Variants in MROH2B observed in about 807,000 individuals in gnomAD.
MROH2B encodes the protein maestro heat like repeat family member 2B.
MROH2B carries 177 observed loss-of-function variants against 208.6 expected under a neutral mutation model. The ratio of observed to expected loss-of-function variants is 0.85; its 90% CI spans 0.75 to 0.96. The LOEUF is 0.96. Among genes scored for constraint, MROH2B ranks in the 40% least tolerant of loss-of-function variants. The pLI is 0.00. For synonymous variants in MROH2B, 728 were observed against 659.0 expected (o/e 1.10, Z -1.60); for missense variants, 2,002 against 1,878.7 (o/e 1.07, Z -1.21).
chr5:41,007,536 C>T, intron 33 of MROH2B, 82 bp from the exon 34 acceptor site: 2 of 1,270,168 alleles, frequency 1.6e-6, no homozygotes, highest in South Asian at 2.1e-5. Flanking sequence ...TTCCACTCCT[C>T]ACAATGCTTT....
intron 23 of MROH2B, 38 bp downstream of exon 23, chr5:41,033,003 T>C (rs1445471153): frequency 6.2e-7 from 1 of 1,610,906 alleles, no homozygotes; most frequent in South Asian, 1.1e-5. Flanking sequence ...GGTAATGGAA[T>C]ACTCAGGGCC....
chr5:41,017,776 A>G lies in MROH2B; in HGVS notation c.2884+74T>C, dbSNP rs1742003822. The stretch of plus-strand genomic sequence containing the variant: ...GGAGGAGGGAGAGAGACATAGGTGC[A>G]TAAGGAGAAAAGCTGAGAATAAAAG... On this transcript the variant is annotated intron_variant, in intron 28 of 41. Transcript: ENST00000399564. 4 of 1,487,696 alleles carry G rather than the reference A, an allele frequency of 2.7e-6. No individual in the cohort carries two copies. In the South Asian group the frequency reaches 5.4e-5, roughly 20 times the overall value. The allele number at this position is 1,487,696 out of a possible 1,614,324, so 92.2% of individuals were successfully genotyped here. A position where few individuals can be genotyped will look rare whatever the true frequency, so the allele number is the denominator to read the frequency against.
intron 6 of MROH2B, among the ~76,000 whole-genome samples, chr5:41,060,230 T>C (rs925028990): frequency 2.6e-5 from 4 of 152,208 alleles, no homozygotes; most frequent in African/African-American, 9.7e-5. Flanking sequence ...TTACCACTTA[T>C]GAGCTGGAAT....
At position 41,047,768 on chromosome 5, in the gene MROH2B, GAAACA is replaced by G; in HGVS notation, c.1685-9_1685-5del. On this transcript the variant is annotated splice_region_variant and splice_polypyrimidine_tract_variant and intron_variant, in intron 16 of 41. Coordinates refer to ENST00000399564, the MANE Select transcript of MROH2B (RefSeq NM_173489.5). ...AGAACGGTACTGATGTTCTTTCCTA[GAAACA>G]AAAATTGATGTAATAATCGCAAAAA... is the stretch of plus-strand genomic sequence containing the variant. 1 of 1,583,926 alleles carries G rather than the reference GAAACA, an allele frequency of 6.3e-7. No homozygotes were observed.
intron 34 of MROH2B, among the ~76,000 whole-genome samples, chr5:41,006,637 A>G (rs1282384828): frequency 5.3e-5 from 8 of 152,252 alleles, no homozygotes; most frequent in African/African-American, 7.2e-5. Flanking sequence ...TATATATACC[A>G]TGGAATACTA....
At chr5:41,024,110 G>A (rs1205052296) in intron 24 of MROH2B, among the ~76,000 whole-genome samples, 15 of 152,164 alleles carry the variant, frequency 9.9e-5, no homozygotes, top group Admixed American at 9.8e-4. Context: ...TCAAGGCTAG[G>A]AAGAAACTGC....
intron 39 of MROH2B, 54 bp downstream of exon 39, chr5:41,000,166 T>C (rs1741340652): frequency 1.9e-6 from 3 of 1,591,668 alleles, no homozygotes; most frequent in Admixed American, 1.8e-5. Context: ...CTTCTGCGAT[T>C]TGTCTAGACC....
chr5:41,064,292 T>C (rs371555666), intron 5 of MROH2B, among the ~76,000 whole-genome samples, 180 bp downstream of exon 5: 32 of 152,242 alleles, frequency 2.1e-4, no homozygotes, highest in African/African-American at 7.7e-4. Context: ...ATTTCTGTGA[T>C]GATTGAATGA....
chr5:41,050,606 C>G (rs938486578), intron 13 of MROH2B, among the ~76,000 whole-genome samples: 1 of 152,108 alleles, frequency 6.6e-6, no homozygotes, highest in East Asian at 1.9e-4. Context: ...ATCAGGTCTC[C>G]AGTGAGGCCT....
rs750288836 is a variant in MROH2B at position 41,000,219 on chromosome 5, C to A, written c.4482+1G>T. 1.2e-6 allele frequency: 2 copies of A among 1,613,638 alleles called. No homozygotes were observed. The highest frequency in any genetic ancestry group is 1.6e-4 in the Middle Eastern group (1 of 6,074). On this transcript the variant is annotated splice_donor_variant, in intron 39 of 41. Transcript: ENST00000399564. LOFTEE classifies it high-confidence loss of function. ...GGAGGCGGCATCTATTGGACACTCA[C>A]CAGTTTCACACAGAATTGCCTGTAG...
intron 18 of MROH2B, among the ~76,000 whole-genome samples, chr5:41,042,647 C>CA (rs1424802571): frequency 6.6e-6 from 1 of 152,116 alleles, no homozygotes; most frequent in Non-Finnish European, 1.5e-5. Context: ...CCTGTTTGCC[C>CA]AGGCTGGAGT....
At chr5:41,030,949 T>A (rs1018026619) in intron 24 of MROH2B, among the ~76,000 whole-genome samples, 1 of 152,140 alleles carries the variant, frequency 6.6e-6, no homozygotes, top group African/African-American at 2.4e-5. Context: ...AAAAGTATGA[T>A]GTTTATGAAG....
At chr5:41,039,190 G>A (rs325850) in intron 20 of MROH2B, among the ~76,000 whole-genome samples, 24,421 of 152,066 alleles carry the variant, frequency 0.16, 2,068 homozygotes, top group East Asian at 0.26. Flanking sequence ...CATGAGGGCC[G>A]AGTGGTTGGT....
Position 41,012,607 on chromosome 5 carries a change from C to A in MROH2B, c.3111G>T (p.Gln1037His). The A allele has an allele frequency of 1.2e-6, 2 of 1,612,748 alleles. No individual in the cohort carries two copies. Among genetic ancestry groups the A allele is most frequent in the Non-Finnish European group, 1.7e-6 (2 of 1,179,352 alleles). The stretch of plus-strand genomic sequence containing the variant: ...CCTGATCTTCCAGAGCAGCTCCCTG[C>A]TGCTTCAGGACAGTGATCATCCATA... ...CGIWMITVLK[Q>H]QGAALEDQLL... The change falls in exon 30 of 42, where the codon CAG becomes CAT. Residue 1037 changes from glutamine (Q) to histidine (H), a missense_variant. Physicochemically the swap from Gln to His is conservative, Grantham distance 24. Coordinates refer to ENST00000399564, the MANE Select transcript of MROH2B (RefSeq NM_173489.5).
chr5:41,005,821 A>T (rs1416320049), intron 34 of MROH2B, among the ~76,000 whole-genome samples, 176 bp from the exon 35 acceptor site: 1 of 152,090 alleles, frequency 6.6e-6, no homozygotes, highest in Non-Finnish European at 1.5e-5. Flanking sequence ...GCCTGAGCTC[A>T]GGAGTTCGAG....
chr5:41,049,173 GC>G, intron 14 of MROH2B, 32 bp from the exon 15 acceptor site: 1 of 1,603,426 alleles, frequency 6.2e-7, no homozygotes, highest in Non-Finnish European at 8.5e-7. Flanking sequence ...CATCATCACT[GC>G]AGGGGTTAGA....
intron 15 of MROH2B, 31 bp downstream of exon 15, chr5:41,049,070 G>A (rs570558342): frequency 7.6e-6 from 12 of 1,572,150 alleles, no homozygotes; most frequent in Middle Eastern, 1.7e-4. Flanking sequence ...GCTTAAATTT[G>A]TTCTACTTTG....
chr5:41,032,639 T>C (rs1294825861), intron 24 of MROH2B, 103 bp downstream of exon 24: 4 of 900,070 alleles, frequency 4.4e-6, no homozygotes, highest in Admixed American at 4.3e-5. Flanking sequence ...TGTGTTCAGT[T>C]TTGGGAGTGT....
At chr5:41,012,465 T>G in intron 30 of MROH2B, 118 bp downstream of exon 30, 2 of 1,088,562 alleles carry the variant, frequency 1.8e-6, no homozygotes, top group Non-Finnish European at 2.6e-6. Context: ...TGAGGCCTCT[T>G]GAGGTTGTGC....
Sources: allele counts gnomAD v4.1 joint callset (sites outside exome capture counted in the v4.1 genomes callset), GRCh38; gene constraint gnomAD v4.1.1; transcripts MANE v1.5; gene names NCBI Gene and HGNC (gene_info 2026-07-23, HGNC 2026-07-21).